C10orf105: variants seen among roughly 807,000 people sequenced by gnomAD.
C10orf105 encodes the protein chromosome 10 open reading frame 105, also known as uncharacterized protein C10orf105.
C10orf105 carries 2 observed loss-of-function variants against 0.6 expected under a neutral mutation model. The observed-to-expected ratio is 3.18, with a 90% CI of 1.30 to 10.01. C10orf105 has a LOEUF of 10.01. Ranked by LOEUF, C10orf105 falls within the 30% of genes most tolerant of loss-of-function variation. C10orf105 has a pLI of 0.04. For missense variants in C10orf105, 209 were observed against 191.4 expected, an observed-to-expected ratio of 1.09 and a Z score of -0.54; for synonymous variants, 95 against 82.4, an observed-to-expected ratio of 1.15 and a Z score of -0.83.
At chr10:71,718,822 T>C (rs1227659426) in intron 1 of C10orf105, among the ~76,000 whole-genome samples, 1 of 152,058 alleles carries the variant, frequency 6.6e-6, no homozygotes, top group East Asian at 1.9e-4. Flanking sequence ...ATCCCAGCAC[T>C]TTGGGAGGCC....
rs896442552 is a variant in C10orf105 at position 71,713,056 on chromosome 10, A to G, written c.*2880T>C. 10 of 738,418 alleles carry G rather than the reference A, an allele frequency of 1.4e-5. No homozygotes were observed. Among genetic ancestry groups the G allele is most frequent in the Non-Finnish European group, 2.0e-5 (8 of 398,220 alleles). 45.7% of individuals were successfully genotyped at this position (738,418 alleles called of 1,614,324 possible). ...CTGGCTCCCCACAAACAGGAGGAAG[A>G]CTTGGCCTCCCCCTGCATATCTCCC... On this transcript the variant is annotated 3_prime_UTR_variant, in exon 2 of 2. Transcript: ENST00000441508.
upstream of C10orf105, among the ~76,000 whole-genome samples, chr10:71,720,897 G>A (rs1021369959): frequency 6.6e-6 from 1 of 152,218 alleles, no homozygotes; most frequent in African/African-American, 2.4e-5. Context: ...CCTGTGCTGG[G>A]TGGGCAGGGG....
In C10orf105 at chr10:71,712,584, GC is replaced by G; in HGVS notation, c.*3351del. 6.5e-7 allele frequency: 1 copy of G among 1,538,410 alleles called. No individual in the cohort carries two copies. Among genetic ancestry groups the G allele is most frequent in the Non-Finnish European group, 8.9e-7 (1 of 1,127,774 alleles). On this transcript the variant is annotated 3_prime_UTR_variant, in exon 2 of 2. Transcript: ENST00000441508. Reference sequence around the variant, plus strand: ...GGAACAGGGCACCTCTCTGGCCGGTGCCCGGGAGTGTGCAAAGTCACAGGAA... The same window carrying G: ...GGAACAGGGCACCTCTCTGGCCGGTGCCGGGAGTGTGCAAAGTCACAGGAA...
intron 1 of C10orf105, chr10:71,734,199 G>C: frequency 6.6e-7 from 1 of 1,516,026 alleles, no homozygotes; most frequent in Non-Finnish European, 9.0e-7. Context: ...GTTAACAAGG[G>C]TGCGATGTTG....
intron 1 of C10orf105, among the ~76,000 whole-genome samples, chr10:71,737,317 A>G (rs12219299): frequency 0.02 from 3,118 of 152,302 alleles, 215 homozygotes; most frequent in East Asian, 0.19. Flanking sequence ...AACAGGTGTC[A>G]TTCTGATTTT....
chr10:71,735,138 G>A (rs1839523226), intron 1 of C10orf105, among the ~76,000 whole-genome samples: 1 of 152,198 alleles, frequency 6.6e-6, no homozygotes, highest in Admixed American at 6.5e-5. Flanking sequence ...CTGCAGTGGG[G>A]CTCTGTCCTG....
At chr10:71,730,540 G>A (rs1171118467) in intron 1 of C10orf105, 1 of 1,613,974 alleles carries the variant, frequency 6.2e-7, no homozygotes, top group Admixed American at 1.7e-5. Flanking sequence ...GCCGTCTGGG[G>A]CTTCGAGAGA....
In C10orf105 at chr10:71,719,229, G is replaced by A. The variant is rs146259566; in HGVS notation, c.-6+398C>T. Among the ~76,000 whole-genome samples the A allele has an allele frequency of 1.5e-3, 225 of 152,226 alleles. 1 individual carries two copies. Among genetic ancestry groups the A allele is most frequent in the African/African-American group, 5.2e-3 (217 of 41,526 alleles). ...CCAGCTGCCAGGCCCCTTGACACCCGGCTACTGACCAACCAGCAAAGGCCA... is the reference window on the plus strand; with the variant it reads ...CCAGCTGCCAGGCCCCTTGACACCCAGCTACTGACCAACCAGCAAAGGCCA... On this transcript the variant is annotated intron_variant, in intron 1 of 1. Transcript: ENST00000441508.
chr10:71,732,731 G>C (rs925084921), intron 1 of C10orf105: 11 of 1,160,870 alleles, frequency 9.5e-6, no homozygotes, highest in Non-Finnish European at 1.1e-5. Context: ...ATGCAGGCTG[G>C]TATCCTTCTG....
At chr10:71,732,271 C>G (rs373276722) in intron 1 of C10orf105, 3 of 1,613,012 alleles carry the variant, frequency 1.9e-6, no homozygotes, top group Non-Finnish European at 2.5e-6. Flanking sequence ...TGAGATTGTG[C>G]GGGTCCAGGC....
chr10:71,712,567 G>A lies in C10orf105; in HGVS notation c.*3369C>T, dbSNP rs1589361619. Reference sequence around the variant, plus strand: ...GCTAGGGCAGATGGGGCGGAACAGGGCACCTCTCTGGCCGGTGCCCGGGAG... The same window carrying A: ...GCTAGGGCAGATGGGGCGGAACAGGACACCTCTCTGGCCGGTGCCCGGGAG... On this transcript the variant is annotated 3_prime_UTR_variant, in exon 2 of 2. Transcript: ENST00000441508. 3 of 1,421,786 alleles carry A rather than the reference G, an allele frequency of 2.1e-6. No homozygotes were observed. Among genetic ancestry groups the A allele is most frequent in the East Asian group, 2.4e-5 (1 of 41,618 alleles). 88.1% of individuals were successfully genotyped at this position (1,421,786 alleles called of 1,614,324 possible). A position where few individuals can be genotyped will look rare whatever the true frequency, so the allele number is the denominator to read the frequency against.
At chr10:71,725,520 G>T in intron 1 of C10orf105, 2 of 1,612,588 alleles carry the variant, frequency 1.2e-6, no homozygotes, top group Non-Finnish European at 1.7e-6. Flanking sequence ...GCTCCGTCAG[G>T]GTGAGGCTAG....
At chr10:71,726,721 G>T (rs866460669) in intron 1 of C10orf105, among the ~76,000 whole-genome samples, 19 of 152,338 alleles carry the variant, frequency 1.2e-4, no homozygotes, top group Middle Eastern at 3.4e-3. Context: ...AGCCTGCCTT[G>T]TGTGGGGCCT....
intron 1 of C10orf105, among the ~76,000 whole-genome samples, chr10:71,736,196 G>C (rs1338636789): frequency 6.6e-6 from 1 of 152,244 alleles, no homozygotes. Flanking sequence ...GCCCTCTTCC[G>C]GTTAGCAGGG....
chr10:71,718,960 C>A (rs1866423541), intron 1 of C10orf105, among the ~76,000 whole-genome samples: 1 of 151,880 alleles, frequency 6.6e-6, no homozygotes, highest in African/African-American at 2.4e-5. Flanking sequence ...TGCCTGTGGC[C>A]CCAGCTACTC....
intron 1 of C10orf105, among the ~76,000 whole-genome samples, chr10:71,726,206 A>G (rs1866802619): frequency 6.6e-6 from 1 of 151,500 alleles, no homozygotes; most frequent in Admixed American, 6.6e-5. Flanking sequence ...ACCCCTACAC[A>G]CTCAGCAGCC....
At chr10:71,731,997 C>A in intron 1 of C10orf105, 4 of 1,613,422 alleles carry the variant, frequency 2.5e-6, no homozygotes, top group Non-Finnish European at 3.4e-6. Flanking sequence ...GGGATGGTGG[C>A]CTGGTGAACT....
intron 1 of C10orf105, among the ~76,000 whole-genome samples, chr10:71,718,489 A>G (rs528887954): frequency 2.8e-4 from 43 of 152,196 alleles, no homozygotes; most frequent in Admixed American, 4.6e-4. Flanking sequence ...CCTAGAGAGC[A>G]CTCTGGCTGG....
chr10:71,721,129 G>A (rs1866536500), upstream of C10orf105, among the ~76,000 whole-genome samples: 3 of 152,204 alleles, frequency 2.0e-5, no homozygotes, highest in African/African-American at 7.2e-5. Flanking sequence ...GCTGGAGCAG[G>A]GAGGCATCAA....
Sources: gnomAD v4.1 joint callset for allele counts (sites outside exome capture counted in the v4.1 genomes callset) on GRCh38, gnomAD v4.1.1 for gene constraint, MANE v1.5 for transcripts, NCBI Gene and HGNC (gene_info 2026-07-23, HGNC 2026-07-21) for gene names.